LRRC4C: variants seen among roughly 807,000 people sequenced by gnomAD.
LRRC4C encodes leucine rich repeat containing 4C, also known as leucine-rich repeat-containing protein 4C.
In LRRC4C, 5 loss-of-function variants were observed where a neutral mutation model predicts 33.6. That is an observed-to-expected ratio of 0.15 (90% CI 0.08 to 0.31). The LOEUF (loss-of-function observed/expected upper bound fraction) is 0.31. Ranked by LOEUF, LRRC4C falls within the 10% of genes least tolerant of loss-of-function variation. The pLI, the probability that LRRC4C is intolerant of heterozygous loss-of-function variation, is 1.00. For missense variants in LRRC4C, 560 were observed against 796.7 expected, an observed-to-expected ratio of 0.70 and a Z score of 3.58; for synonymous variants, 329 against 302.0, an observed-to-expected ratio of 1.09 and a Z score of -0.93.
chr11:40,266,422 G>T (rs1377107559), intron 4 of LRRC4C, among the ~76,000 whole-genome samples: 3 of 152,172 alleles, frequency 2.0e-5, no homozygotes, highest in Non-Finnish European at 4.4e-5. Context: ...AGTCTTGATT[G>T]TGCCACTGCA....
At chr11:40,419,945 G>T (rs933057440) in intron 3 of LRRC4C, among the ~76,000 whole-genome samples, 3 of 152,186 alleles carry the variant, frequency 2.0e-5, no homozygotes, top group Non-Finnish European at 4.4e-5. Flanking sequence ...CTACTCTTTG[G>T]GGAGGATAGA....
chr11:40,934,109 A>G (rs1475991446), intron 1 of LRRC4C, among the ~76,000 whole-genome samples: 1 of 152,206 alleles, frequency 6.6e-6, no homozygotes, highest in South Asian at 2.1e-4. Flanking sequence ...TTGTTTAAAC[A>G]TACTGTGCCT....
At chr11:40,232,375 T>A (rs1865266213) in intron 5 of LRRC4C, among the ~76,000 whole-genome samples, 1 of 152,108 alleles carries the variant, frequency 6.6e-6, no homozygotes, top group South Asian at 2.1e-4. Context: ...TCTACTCAAT[T>A]TCACCCACCT....
At chr11:40,369,137 G>A (rs1948340765) in intron 3 of LRRC4C, among the ~76,000 whole-genome samples, 1 of 150,554 alleles carries the variant, frequency 6.6e-6, no homozygotes, top group South Asian at 2.1e-4. Context: ...GTATACAGTG[G>A]ACACAGTCAC....
intron 2 of LRRC4C, among the ~76,000 whole-genome samples, chr11:40,795,399 G>C (rs770747105): frequency 6.6e-6 from 1 of 152,030 alleles, no homozygotes; most frequent in Non-Finnish European, 1.5e-5. Flanking sequence ...GCGTGGTGGC[G>C]GGTGCCTGTA....
chr11:40,959,901 T>A (rs1226068654), intron 1 of LRRC4C, among the ~76,000 whole-genome samples: 2 of 151,754 alleles, frequency 1.3e-5, no homozygotes, highest in Non-Finnish European at 2.9e-5. Context: ...CATTTTAGGA[T>A]TTAGATGCTT....
At chr11:40,685,926 T>C (rs1407470810) in intron 2 of LRRC4C, among the ~76,000 whole-genome samples, 4 of 151,744 alleles carry the variant, frequency 2.6e-5, no homozygotes, top group Non-Finnish European at 5.9e-5. Flanking sequence ...ACTCTAAGAA[T>C]TCTACACTGT....
At chr11:41,443,983 G>T (rs1393552672) in intron 1 of LRRC4C, among the ~76,000 whole-genome samples, 2 of 151,982 alleles carry the variant, frequency 1.3e-5, no homozygotes, top group Non-Finnish European at 2.9e-5. Context: ...TTGGGCACAT[G>T]TGGCACTATG....
chr11:40,335,830 G>C (rs190486334), intron 3 of LRRC4C, among the ~76,000 whole-genome samples: 1 of 152,310 alleles, frequency 6.6e-6, no homozygotes, highest in Non-Finnish European at 1.5e-5. Flanking sequence ...ACGCAGCCAA[G>C]TGAGTTCTGG....
chr11:40,536,140 T>C (rs1956461334), intron 3 of LRRC4C, among the ~76,000 whole-genome samples: 1 of 152,210 alleles, frequency 6.6e-6, no homozygotes, highest in African/African-American at 2.4e-5. Context: ...TCTTAGGCTC[T>C]TCCCTAGAAT....
At chr11:40,952,886 ACACACACACACTCT>A (rs748187427) in intron 1 of LRRC4C, among the ~76,000 whole-genome samples, 28,918 of 100,896 alleles carry the variant, frequency 0.29, 3,113 homozygotes, top group Non-Finnish European at 0.37. Context: ...ACACACACAC[ACACACACACACTCT>A]CTCTCTCTCT....
intron 1 of LRRC4C, among the ~76,000 whole-genome samples, chr11:41,002,182 A>C (rs1854427997): frequency 6.6e-6 from 1 of 152,198 alleles, no homozygotes; most frequent in African/African-American, 2.4e-5. Flanking sequence ...AATTTAAGTA[A>C]CAGACCTCTG....
intron 1 of LRRC4C, among the ~76,000 whole-genome samples, chr11:40,998,431 GT>G (rs1854133707): frequency 6.6e-6 from 1 of 151,964 alleles, no homozygotes. Context: ...ATCTCAGACT[GT>G]AAAAAAAATT....
intron 3 of LRRC4C, among the ~76,000 whole-genome samples, chr11:40,338,742 G>A (rs918973283): frequency 5.9e-5 from 9 of 152,044 alleles, no homozygotes; most frequent in East Asian, 1.9e-4. Context: ...TTACTCCAAC[G>A]TTTCTGAATA....
In LRRC4C at chr11:40,957,198, T is replaced by C. The variant is rs182094538; in HGVS notation, c.-495-23475A>G. Among the ~76,000 whole-genome samples, 227 of 151,908 alleles carry C rather than the reference T, an allele frequency of 1.5e-3. 2 individuals carry two copies. The highest frequency in any genetic ancestry group is 5.4e-3 in the African/African-American group (223 of 41,520). On this transcript the variant is annotated intron_variant, in intron 1 of 6. Transcript: ENST00000528697. ...TCTTAAGGCAAGTAGTGGAAGTACA[T>C]TCTTTTTCTAAAAGGTTTTGCAAGA... is the stretch of plus-strand genomic sequence containing the variant.
chr11:40,453,850 T>C (rs1156236859), intron 3 of LRRC4C, among the ~76,000 whole-genome samples: 2 of 152,202 alleles, frequency 1.3e-5, no homozygotes, highest in African/African-American at 2.4e-5. Context: ...TTCTGGGTCA[T>C]GTAAATGTTC....
At chr11:40,880,550 A>AAG (rs1045963103) in intron 2 of LRRC4C, among the ~76,000 whole-genome samples, 1 of 151,130 alleles carries the variant, frequency 6.6e-6, no homozygotes, top group Non-Finnish European at 1.5e-5. Flanking sequence ...AATGAAAAAA[A>AAG]AAAAAAAACT....
rs1305105213 is a variant in LRRC4C, at chr11:40,279,644, G to A, written c.-175-38046C>T. Reference sequence around the variant, plus strand: ...CACTACAATCCTGCATTATAATCATGCTTATGTCACACATAAGAAAGTTGA... The same window carrying A: ...CACTACAATCCTGCATTATAATCATACTTATGTCACACATAAGAAAGTTGA... On this transcript the variant is annotated intron_variant, in intron 4 of 6. Coordinates refer to ENST00000528697, the MANE Select transcript of LRRC4C (RefSeq NM_001258419.2). 2.6e-5 allele frequency among the ~76,000 whole-genome samples: 4 copies of A among 152,048 alleles called. No homozygotes were observed. The East Asian group carries it at 7.7e-4, about 29-fold the overall frequency.
intron 2 of LRRC4C, among the ~76,000 whole-genome samples, chr11:40,804,598 C>A (rs940810335): frequency 1.5e-4 from 23 of 152,130 alleles, no homozygotes; most frequent in Non-Finnish European, 3.4e-4. Flanking sequence ...GTATTACGTT[C>A]CCCAAGCATG....
Sources: gnomAD v4.1 joint callset for allele counts (sites outside exome capture counted in the v4.1 genomes callset) on GRCh38, gnomAD v4.1.1 for gene constraint, MANE v1.5 for transcripts, NCBI Gene and HGNC (gene_info 2026-07-23, HGNC 2026-07-21) for gene names.